Variants in CDH20 observed in about 807,000 individuals in gnomAD.
CDH20 encodes cadherin 20.
Under a neutral mutation model 74.2 loss-of-function variants are expected in CDH20, and 29 were observed. The observed-to-expected ratio is 0.39, with a 90% CI of 0.29 to 0.53. CDH20 has a LOEUF of 0.53. CDH20 is among the 20% of genes least tolerant of loss of function. The probability of loss-of-function intolerance (pLI) is 0.69; values close to 1 mark genes in which losing one functional copy is unlikely to be tolerated. For missense variants in CDH20, 988 were observed against 1,048.3 expected (o/e 0.94, Z 0.79); for synonymous variants, 469 against 405.4 (o/e 1.16, Z -1.88).
intron 1 of CDH20, among the ~76,000 whole-genome samples, chr18:61,412,180 A>G (rs563109815): frequency 1.3e-5 from 2 of 152,240 alleles, no homozygotes; most frequent in African/African-American, 4.8e-5. Flanking sequence ...GATATAATTT[A>G]ATAGAAAAAT....
In CDH20 at chr18:61,461,139, GA is replaced by G. The variant is rs574245680; in HGVS notation, c.-152-29261del. On this transcript the variant is annotated intron_variant, in intron 1 of 11. Coordinates refer to ENST00000262717, the MANE Select transcript of CDH20 (RefSeq NM_031891.4). ...CGTGGCCTATACAAGTAGGGTATTTGAATTTAATATTAATTGGGAAAATATT... is the reference window on the plus strand; with the variant it reads ...CGTGGCCTATACAAGTAGGGTATTTGATTTAATATTAATTGGGAAAATATT... Among the ~76,000 whole-genome samples, 434 of 152,026 alleles carry G rather than the reference GA, an allele frequency of 2.9e-3. 2 individuals carry two copies. The highest frequency in any genetic ancestry group is 6.8e-3 in the Middle Eastern group (2 of 292).
rs142443330 is a variant in CDH20, at chr18:61,465,754, C to CATTTCTAATTCT, written c.-152-24634_-152-24623dup. The stretch of plus-strand genomic sequence containing the variant: ...AAACACAGGGAAAGGAATATTTATG[C>CATTTCTAATTCT]ATTTCTAATTCTATTTCTAATTCTA... On this transcript the variant is annotated intron_variant, in intron 1 of 11. Transcript: ENST00000262717. 9.6e-3 allele frequency among the ~76,000 whole-genome samples: 1,461 copies of CATTTCTAATTCT among 152,084 alleles called. 20 individuals carry two copies. Among genetic ancestry groups the CATTTCTAATTCT allele is most frequent in the African/African-American group, 0.032 (1,337 of 41,434 alleles).
intron 1 of CDH20, among the ~76,000 whole-genome samples, chr18:61,469,767 C>A (rs905409729): frequency 6.6e-6 from 1 of 152,136 alleles, no homozygotes; most frequent in Non-Finnish European, 1.5e-5. Context: ...TTATCATTTC[C>A]AGTTACCTAT....
At chr18:61,383,460 A>G (rs1239784268) in intron 1 of CDH20, among the ~76,000 whole-genome samples, 1 of 152,122 alleles carries the variant, frequency 6.6e-6, no homozygotes, top group Non-Finnish European at 1.5e-5. Context: ...ATGGGCCTGT[A>G]ATCCCAGCTA....
intron 1 of CDH20, among the ~76,000 whole-genome samples, chr18:61,357,027 G>C (rs1416066155): frequency 6.6e-6 from 1 of 152,116 alleles, no homozygotes; most frequent in Non-Finnish European, 1.5e-5. Flanking sequence ...ATTCTTGAAG[G>C]CTTAACTATA....
At chr18:61,501,852 T>A (rs1276555294) in intron 4 of CDH20, among the ~76,000 whole-genome samples, 5 of 152,044 alleles carry the variant, frequency 3.3e-5, no homozygotes, top group African/African-American at 1.2e-4. Flanking sequence ...GTCCTTTATA[T>A]CCTAAGAAGA....
chr18:61,491,659 G>C (rs1910963526), intron 2 of CDH20, among the ~76,000 whole-genome samples: 2 of 152,128 alleles, frequency 1.3e-5, no homozygotes. Flanking sequence ...TCCTTCTCAA[G>C]TGTTGTCTAC....
chr18:61,484,004 T>C (rs1237857979), intron 1 of CDH20, among the ~76,000 whole-genome samples: 2 of 152,216 alleles, frequency 1.3e-5, no homozygotes, highest in African/African-American at 4.8e-5. Flanking sequence ...CCAAAAAATC[T>C]TCTTCCTGTG....
chr18:61,551,897 C>G (rs879358602), intron 11 of CDH20, among the ~76,000 whole-genome samples: 2 of 152,208 alleles, frequency 1.3e-5, no homozygotes, highest in African/African-American at 2.4e-5. Context: ...CTTGGAGAGG[C>G]TCTCAAGTTA....
intron 1 of CDH20, among the ~76,000 whole-genome samples, chr18:61,341,261 T>C (rs1304470502): frequency 6.6e-6 from 1 of 152,232 alleles, no homozygotes; most frequent in Non-Finnish European, 1.5e-5. Context: ...GGTCCGTTTC[T>C]GGTGAGGGCC....
chr18:61,453,882 A>G (rs965027921), intron 1 of CDH20, among the ~76,000 whole-genome samples: 4 of 152,316 alleles, frequency 2.6e-5, no homozygotes, highest in South Asian at 2.1e-4. Flanking sequence ...AGAAACTGCC[A>G]AAGTATTTTC....
At chr18:61,522,145 G>A (rs1252729180) in intron 6 of CDH20, among the ~76,000 whole-genome samples, 1 of 152,190 alleles carries the variant, frequency 6.6e-6, no homozygotes, top group Non-Finnish European at 1.5e-5. Flanking sequence ...GTTTGCAGAT[G>A]ACATGATTGT....
intron 1 of CDH20, among the ~76,000 whole-genome samples, chr18:61,488,144 C>T (rs1910832990): frequency 6.6e-6 from 1 of 151,920 alleles, no homozygotes. Flanking sequence ...TCAACGCAAT[C>T]CGCAAAATAA....
At chr18:61,372,691 C>A (rs1314506474) in intron 1 of CDH20, among the ~76,000 whole-genome samples, 1 of 152,014 alleles carries the variant, frequency 6.6e-6, no homozygotes, top group Non-Finnish European at 1.5e-5. Context: ...GTAAATAAAG[C>A]TTTATTGGAA....
At position 61,515,174 on chromosome 18, in the gene CDH20, G is replaced by A. The variant is rs923306355; in HGVS notation, c.1017+7614G>A. 6.6e-5 allele frequency among the ~76,000 whole-genome samples: 10 copies of A among 152,214 alleles called. No individual in the cohort carries two copies. In the South Asian group the frequency reaches 8.3e-4, roughly 13 times the overall value. ...GAGACTCCGTGGGCCTAGGACCCTC[G>A]GAGCCAGGTGCGGGATATAATCTCG... On this transcript the variant is annotated intron_variant, in intron 6 of 11. Coordinates refer to ENST00000262717, the MANE Select transcript of CDH20 (RefSeq NM_031891.4).
intron 1 of CDH20, among the ~76,000 whole-genome samples, chr18:61,379,739 T>C (rs1911368936): frequency 6.6e-6 from 1 of 152,152 alleles, no homozygotes. Context: ...GTATACAAAA[T>C]AGTATTGTTG....
intron 1 of CDH20, among the ~76,000 whole-genome samples, chr18:61,446,056 C>G (rs1909191473): frequency 6.6e-6 from 1 of 152,140 alleles, no homozygotes; most frequent in African/African-American, 2.4e-5. Context: ...CAGACAGAAG[C>G]CATATCACCT....
At chr18:61,375,586 A>G in intron 1 of CDH20, among the ~76,000 whole-genome samples, 1 of 152,076 alleles carries the variant, frequency 6.6e-6, no homozygotes, top group East Asian at 1.9e-4. Context: ...AGTATTTTGT[A>G]TGTGCTATTC....
chr18:61,409,413 G>T (rs1421493477), intron 1 of CDH20, among the ~76,000 whole-genome samples: 2 of 152,298 alleles, frequency 1.3e-5, no homozygotes, highest in Non-Finnish European at 2.9e-5. Flanking sequence ...CAGTCCTGGG[G>T]AAGGGATGGC....
Sources: gnomAD v4.1 joint callset for allele counts (sites outside exome capture counted in the v4.1 genomes callset) on GRCh38, gnomAD v4.1.1 for gene constraint, MANE v1.5 for transcripts, NCBI Gene and HGNC (gene_info 2026-07-23, HGNC 2026-07-21) for gene names.